HDAC9: variants seen among roughly 807,000 people sequenced by gnomAD.
The protein encoded by HDAC9 is MEF-2 interacting transcription repressor (MITR) protein.
In HDAC9, 41 loss-of-function variants were observed where a neutral mutation model predicts 139.4. The observed-to-expected ratio is 0.29, with a 90% confidence interval of 0.23 to 0.38. The LOEUF is 0.38. Among genes scored for constraint, HDAC9 ranks in the 10% least tolerant of loss-of-function variants. HDAC9 has a pLI of 1.00. For synonymous variants in HDAC9, 517 were observed against 476.2 expected (o/e 1.09, Z -1.12); for missense variants, 1,147 against 1,297.0 (o/e 0.88, Z 1.78).
At chr7:18,765,263 C>T (rs775083467) in intron 15 of HDAC9, among the ~76,000 whole-genome samples, 15 of 151,994 alleles carry the variant, frequency 9.9e-5, no homozygotes, top group Non-Finnish European at 1.8e-4. Context: ...TAAAACTCTC[C>T]CAAGTAGGAT....
At position 18,932,267 on chromosome 7, in the gene HDAC9, C is replaced by T. The variant is rs78229905; in HGVS notation, c.2804-3542C>T. Reference sequence around the variant, plus strand: ...CGTGTTTTCATTTATTTTTATTTACCGTACCTTTTGGCAATTGCCCCTGAA... The same window carrying T: ...CGTGTTTTCATTTATTTTTATTTACTGTACCTTTTGGCAATTGCCCCTGAA... On this transcript the variant is annotated intron_variant, in intron 22 of 25. Transcript: ENST00000686413. 0.011 allele frequency among the ~76,000 whole-genome samples: 1,718 copies of T among 151,938 alleles called. 70 individuals are homozygous for T. In the East Asian group the frequency reaches 0.12, roughly 11 times the overall value.
At chr7:18,209,000 A>T (rs1382129313) in intron 2 of HDAC9, among the ~76,000 whole-genome samples, 1 of 152,228 alleles carries the variant, frequency 6.6e-6, no homozygotes, top group African/African-American at 2.4e-5. Context: ...AAACAAAAGT[A>T]ATTAGTCAAC....
At chr7:18,703,538 C>G (rs1783663581) in intron 12 of HDAC9, among the ~76,000 whole-genome samples, 1 of 152,174 alleles carries the variant, frequency 6.6e-6, no homozygotes, top group South Asian at 2.1e-4. Context: ...TGACTTTCTT[C>G]TCTATCTTTC....
intron 12 of HDAC9, among the ~76,000 whole-genome samples, chr7:18,725,993 T>C (rs1785516429): frequency 6.6e-6 from 1 of 152,224 alleles, no homozygotes; most frequent in South Asian, 2.1e-4. Context: ...GATTATTCTG[T>C]AGAGCAAAAC....
chr7:18,255,626 CTTTTTTTT>C (rs11386457), intron 2 of HDAC9, among the ~76,000 whole-genome samples: 3 of 113,610 alleles, frequency 2.6e-5, no homozygotes, highest in Non-Finnish European at 5.1e-5. Flanking sequence ...TTTTTCTTTC[CTTTTTTTT>C]TTTTTTTTTT....
chr7:18,518,542 T>C (rs541796111), intron 2 of HDAC9, among the ~76,000 whole-genome samples: 5 of 152,290 alleles, frequency 3.3e-5, no homozygotes, highest in African/African-American at 1.2e-4. Flanking sequence ...CAGGGGAGTT[T>C]ACTAGATTTA....
rs139037796 is a variant in HDAC9, at chr7:18,907,886, T to G, written c.2804-27923T>G. On this transcript the variant is annotated intron_variant, in intron 22 of 25. Transcript: ENST00000686413. ...CCCCTAGAATTGGATCTGATTAAAT[T>G]TATACCTCTGGTATCATCATAATGT... 8.5e-3 allele frequency among the ~76,000 whole-genome samples: 1,291 copies of G among 152,288 alleles called. 27 individuals carry two copies. The highest frequency in any genetic ancestry group is 0.029 in the African/African-American group (1,220 of 41,562).
At chr7:18,199,189 C>T (rs1281511243) in intron 2 of HDAC9, among the ~76,000 whole-genome samples, 1 of 152,148 alleles carries the variant, frequency 6.6e-6, no homozygotes, top group Non-Finnish European at 1.5e-5. Context: ...GCAAGAATCA[C>T]ACATAGACTT....
Position 18,749,053 on chromosome 7 carries a change from A to G in HDAC9, c.1958A>G (p.Asn653Ser), listed in dbSNP as rs767517833. The part of the protein sequence containing the change: ...LMLKHQCVCG[N>S]STTHPEHAGR... ...CTGAAACACCAGTGCGTTTGTGGCA[A>G]TTCCACCACCCACCCTGAGCATGCT... The change falls in exon 14 of 26, where the codon AAT (asparagine) becomes AGT (serine). Residue 653 changes from asparagine to serine, a missense_variant. Coordinates refer to ENST00000686413, the MANE Select transcript of HDAC9 (RefSeq NM_178425.4). 2 of 1,613,644 alleles carry G rather than the reference A, an allele frequency of 1.2e-6. No homozygotes were observed. Among genetic ancestry groups the G allele is most frequent in the Non-Finnish European group, 1.7e-6 (2 of 1,179,770 alleles).
chr7:18,176,777 G>A (rs74866126), intron 2 of HDAC9, among the ~76,000 whole-genome samples: 5,305 of 152,080 alleles, frequency 0.035, 127 homozygotes, highest in Non-Finnish European at 0.049. Context: ...ATTTTTTAAT[G>A]CATTTTTATC....
chr7:18,956,649 TCTA>T (rs1324312722), intron 24 of HDAC9, among the ~76,000 whole-genome samples: 1 of 152,118 alleles, frequency 6.6e-6, no homozygotes, highest in Non-Finnish European at 1.5e-5. Flanking sequence ...ACTCTTCACA[TCTA>T]CTCAAAAGGA....
chr7:18,765,361 C>T (rs1789737912), intron 15 of HDAC9, among the ~76,000 whole-genome samples: 1 of 152,018 alleles, frequency 6.6e-6, no homozygotes, highest in African/African-American at 2.4e-5. Context: ...GCGGCTCATG[C>T]CTGTATTCCC....
intron 2 of HDAC9, among the ~76,000 whole-genome samples, chr7:18,284,757 A>G (rs1052413677): frequency 6.6e-6 from 1 of 152,120 alleles, no homozygotes. Flanking sequence ...GCTTGGTTTT[A>G]TAGGGACTAG....
chr7:18,528,729 A>G (rs1807783503), intron 2 of HDAC9, among the ~76,000 whole-genome samples: 1 of 152,192 alleles, frequency 6.6e-6, no homozygotes, highest in Admixed American at 6.5e-5. Flanking sequence ...TGATAGATAC[A>G]TAAGGAGACA....
rs1369367115 is a variant in HDAC9 at position 18,737,802 on chromosome 7, C to A, written c.1909+10045C>A. Among the ~76,000 whole-genome samples the A allele has an allele frequency of 2.0e-5, 3 of 152,086 alleles. No individual in the cohort carries two copies. In the East Asian group the frequency reaches 5.8e-4, roughly 29 times the overall value. On this transcript the variant is annotated intron_variant, in intron 13 of 25. Coordinates refer to ENST00000686413, the MANE Select transcript of HDAC9 (RefSeq NM_178425.4). The stretch of plus-strand genomic sequence containing the variant: ...GCTTGGTGCAGAGCTGAGTTCAAGT[C>A]CTGGATATCCTTCTTAACCTTCTAT...
chr7:18,830,352 C>G (rs890763329), intron 19 of HDAC9, among the ~76,000 whole-genome samples: 7 of 152,282 alleles, frequency 4.6e-5, no homozygotes, highest in Middle Eastern at 6.8e-3. Context: ...AAAGCATAGA[C>G]AGGAAATGAA....
In HDAC9 at chr7:18,987,982, C is replaced by T. The variant is rs563331524; in HGVS notation, c.3171-8041C>T. ...TTTTCTTCTTTATTAGTCTTGCTAGCGGTCTAGCAATTTTGTTGATCCTTT... is the reference window on the plus strand; with the variant it reads ...TTTTCTTCTTTATTAGTCTTGCTAGTGGTCTAGCAATTTTGTTGATCCTTT... On this transcript the variant is annotated intron_variant, in intron 25 of 25. Transcript: ENST00000686413. Among the ~76,000 whole-genome samples, 28 of 152,220 alleles carry T rather than the reference C, an allele frequency of 1.8e-4. No homozygotes were observed. In the East Asian group the frequency reaches 3.5e-3, roughly 19 times the overall value.
intron 1 of HDAC9, among the ~76,000 whole-genome samples, chr7:18,124,612 C>G (rs979831851): frequency 6.6e-6 from 1 of 152,080 alleles, no homozygotes; most frequent in South Asian, 2.1e-4. Flanking sequence ...GGTGTGCACC[C>G]GTGAGGCCTT....
chr7:18,167,907 A>T (rs1207145281), intron 2 of HDAC9, among the ~76,000 whole-genome samples: 1 of 152,222 alleles, frequency 6.6e-6, no homozygotes, highest in Non-Finnish European at 1.5e-5. Context: ...GCTTACCAAG[A>T]GGTGCAGTAT....
Sources: allele counts gnomAD v4.1 joint callset (sites outside exome capture counted in the v4.1 genomes callset), GRCh38; gene constraint gnomAD v4.1.1; transcripts MANE v1.5; gene names NCBI Gene and HGNC (gene_info 2026-07-23, HGNC 2026-07-21).